ECEL1: variants seen among roughly 807,000 people sequenced by gnomAD.
The protein encoded by ECEL1 is endothelin-converting enzyme-like 1.
Under a neutral mutation model 101.8 loss-of-function variants are expected in ECEL1, and 87 were observed. The observed-to-expected ratio is 0.85, with a 90% confidence interval of 0.72 to 1.02. ECEL1 has a LOEUF of 1.02. Among genes scored for constraint, ECEL1 ranks in the 50% least tolerant of loss-of-function variants. The probability of loss-of-function intolerance (pLI) is 0.00; values close to 1 mark genes in which losing one functional copy is unlikely to be tolerated. For synonymous variants in ECEL1, 487 were observed against 468.7 expected (o/e 1.04, Z -0.50); for missense variants, 1,032 against 1,079.2 (o/e 0.96, Z 0.61).
In ECEL1 at chr2:232,479,884, C is replaced by G. The variant is rs1183335176; in HGVS notation, c.*269G>C. ...AGCAAGAACACAGCGAAGGTGGGGC[C>G]CGTACAATCCAGCCTGGCAGAGGGT... On this transcript the variant is annotated 3_prime_UTR_variant, in exon 18 of 18. Transcript: ENST00000304546. 12 of 534,408 alleles carry G rather than the reference C, an allele frequency of 2.2e-5. No individual in the cohort carries two copies. Among genetic ancestry groups the G allele is most frequent in the Non-Finnish European group, 3.4e-5 (10 of 296,830 alleles). 33.1% of individuals were successfully genotyped at this position (534,408 alleles called of 1,614,324 possible).
rs771842952 is a variant in ECEL1 at position 232,483,150 on chromosome 2, G to A, written c.1536C>T (p.Tyr512=). ...KLQYMMVMVG[Y]PDFLLKPDAV... is the part of the protein sequence containing the mutation. Reference sequence around the variant, plus strand: ...CATCGGGTTTCAGCAGGAAGTCCGGGTAGCCGACCATCACCATCATGTACT... The same window carrying A: ...CATCGGGTTTCAGCAGGAAGTCCGGATAGCCGACCATCACCATCATGTACT... The change falls in exon 9 of 18, where the codon TAC becomes TAT. Residue 512 remains tyrosine (Y), a synonymous_variant. Coordinates refer to ENST00000304546, the MANE Select transcript of ECEL1 (RefSeq NM_004826.4). 3 of 1,608,610 alleles carry A rather than the reference G, an allele frequency of 1.9e-6. No individual in the cohort carries two copies. The Admixed American group carries it at 5.1e-5, about 27-fold the overall frequency.
chr2:232,482,669 C>A, intron 10 of ECEL1, 61 bp from the exon 11 acceptor site: 1 of 1,565,434 alleles, frequency 6.4e-7, no homozygotes. Flanking sequence ...ACCCTCACAT[C>A]ACAGCTTCCT....
chr2:232,484,933 G>A lies in ECEL1; in HGVS notation c.967-40C>T, dbSNP rs758116095. 1.1e-5 allele frequency: 17 copies of A among 1,612,850 alleles called. No homozygotes were observed. The Admixed American group carries it at 2.7e-4, about 25-fold the overall frequency. ...CACAGCTGACCCAGCCCTGCTCCAT[G>A]ATGCCCTCCCTCAAGCCCAGGGCAG... is the stretch of plus-strand genomic sequence containing the variant. On this transcript the variant is annotated intron_variant, in intron 4 of 17. Coordinates refer to ENST00000304546, the MANE Select transcript of ECEL1 (RefSeq NM_004826.4).
rs141823461 is a variant in ECEL1 at position 232,484,873 on chromosome 2, G to A, written c.987C>T (p.Asp329=). The A allele has an allele frequency of 4.5e-5, 72 of 1,613,786 alleles. No homozygotes were observed. The highest frequency in any genetic ancestry group is 1.3e-4 in the Admixed American group (8 of 60,022). ...TGGAGCTGACATCTCGCCGTAGGTC[G>A]TCATGCTCTGACACAGTGATCTGTG... is the stretch of plus-strand genomic sequence containing the variant. ...QLANITVSEH[D]DLRRDVSSMY... is the part of the protein sequence containing the mutation. Residue 329 remains aspartate (D), a synonymous_variant, in exon 5 of 18, where the codon GAC becomes GAT. Transcript: ENST00000304546.
At chr2:232,481,399 G>A (rs1261959217) in intron 14 of ECEL1, 107 bp downstream of exon 14, 1 of 1,502,758 alleles carries the variant, frequency 6.7e-7, no homozygotes. Flanking sequence ...CAGGGACCTG[G>A]GCACAGGTTT....
chr2:232,483,081 T>C (rs768207898), intron 9 of ECEL1, 24 bp downstream of exon 9: 10 of 1,610,890 alleles, frequency 6.2e-6, no homozygotes, highest in Non-Finnish European at 8.5e-6. Flanking sequence ...GTGGACAGGC[T>C]GGGCAGGCAG....
chr2:232,486,728 G>A lies in ECEL1; in HGVS notation c.-75C>T. 7.3e-7 allele frequency: 1 copy of A among 1,370,460 alleles called. No individual in the cohort carries two copies. The highest frequency in any genetic ancestry group is 1.6e-5 in the South Asian group (1 of 62,038). 84.9% of individuals were successfully genotyped at this position (1,370,460 alleles called of 1,614,324 possible). ...GCGCGTGGCCGCCGGCCTCCTCGTG[G>A]GCCTCCGCATGGCCCTGGGGCCGCA... On this transcript the variant is annotated 5_prime_UTR_variant, in exon 2 of 18. Transcript: ENST00000304546.
At position 232,486,002 on chromosome 2, in the gene ECEL1, C is replaced by T. The variant is rs753309671; in HGVS notation, c.652G>A (p.Glu218Lys). The T allele has an allele frequency of 6.2e-7, 1 of 1,607,420 alleles. No individual in the cohort carries two copies. Among genetic ancestry groups the T allele is most frequent in the Non-Finnish European group, 8.5e-7 (1 of 1,178,144 alleles). ...CATCGCGCCGCGACCCCCGGACGCT[C>T]CTCCGCGCCGCCCAGGTCCCAGCCC... ...CGGWDLGGAE[E>K]RPGVAARWDL... The change falls in exon 2 of 18, where the codon GAG becomes AAG. Residue 218 changes from glutamate (E) to lysine (K), a missense_variant. Coordinates refer to ENST00000304546, the MANE Select transcript of ECEL1 (RefSeq NM_004826.4).
intron 9 of ECEL1, 24 bp from the exon 10 acceptor site, chr2:232,482,978 C>T: frequency 6.2e-7 from 1 of 1,613,878 alleles, no homozygotes; most frequent in East Asian, 2.2e-5. Flanking sequence ...GGGCGACACT[C>T]AGCGGCAGGC....
At chr2:232,480,961 CA>C in intron 15 of ECEL1, 129 bp downstream of exon 15, 1 of 1,382,438 alleles carries the variant, frequency 7.2e-7, no homozygotes, top group Non-Finnish European at 9.9e-7. Context: ...GGCCCCAGCA[CA>C]TGCCCTGCCC....
chr2:232,487,793 C>A lies in ECEL1; in HGVS notation c.-176G>T. Reference sequence around the variant, plus strand: ...GCGGGGGCCTGAGCCGCAGCGCAGCCGAGCGGGCGTCCGGTGTCTCCCAGC... The same window carrying A: ...GCGGGGGCCTGAGCCGCAGCGCAGCAGAGCGGGCGTCCGGTGTCTCCCAGC... On this transcript the variant is annotated 5_prime_UTR_variant, in exon 1 of 18. Transcript: ENST00000304546. 6.7e-6 allele frequency: 1 copy of A among 149,494 alleles called. No individual in the cohort carries two copies. The highest frequency in any genetic ancestry group is 2.0e-4 in the South Asian group (1 of 5,036). 9.3% of individuals were successfully genotyped at this position (149,494 alleles called of 1,614,324 possible). A position where few individuals can be genotyped will look rare whatever the true frequency, so the allele number is the denominator to read the frequency against.
rs1397958331 is a variant in ECEL1 at position 232,486,390 on chromosome 2, G to T, written c.264C>A (p.Val88=). 6.7e-7 allele frequency: 1 copy of T among 1,481,672 alleles called. No homozygotes were observed. The highest frequency in any genetic ancestry group is 1.3e-5 in the South Asian group (1 of 76,754). 91.8% of individuals were successfully genotyped at this position (1,481,672 alleles called of 1,614,324 possible). Residue 88 remains valine (V), a synonymous_variant, in exon 2 of 18, where the codon GTC becomes GTA. Coordinates refer to ENST00000304546, the MANE Select transcript of ECEL1 (RefSeq NM_004826.4). ...AMLALKYLGP[V]AAGGGACPEG... is the part of the protein sequence containing the mutation. ...CGGGACAGGCGCCGCCGCCGGCCGC[G>T]ACCGGGCCCAGGTACTTGAGGGCCA... is the stretch of plus-strand genomic sequence containing the variant.
In ECEL1 at chr2:232,482,623, T is replaced by G; in HGVS notation, c.1686-15A>C. 6.2e-7 allele frequency: 1 copy of G among 1,603,566 alleles called. No homozygotes were observed. The highest frequency in any genetic ancestry group is 1.3e-5 in the African/African-American group (1 of 74,866). On this transcript the variant is annotated splice_polypyrimidine_tract_variant and intron_variant, in intron 10 of 17. Transcript: ENST00000304546. ...GGAGCAGCCACCTGTGGAGGGATGC[T>G]GGGGTGAATGGGGGGAACACACTCC...
rs770722658 is a variant in ECEL1, at chr2:232,480,784, G to C, written c.2085C>G (p.Gly695=). 10 of 1,614,046 alleles carry C rather than the reference G, an allele frequency of 6.2e-6. No individual in the cohort carries two copies. The highest frequency in any genetic ancestry group is 8.5e-6 in the Non-Finnish European group (10 of 1,179,986). Residue 695 remains glycine, a synonymous_variant, in exon 16 of 18, where the codon GGC becomes GGG. Coordinates refer to ENST00000304546, the MANE Select transcript of ECEL1 (RefSeq NM_004826.4). ...TGAGCCGGGGAAGTGGGTGCTCTGGGCCGTGCTCCCGCACCCACTTCTGAT... is the reference window on the plus strand; with the variant it reads ...TGAGCCGGGGAAGTGGGTGCTCTGGCCCGTGCTCCCGCACCCACTTCTGAT... The part of the protein sequence containing the change: ...HAYQKWVREH[G]PEHPLPRLKY...
chr2:232,483,194 C>T lies in ECEL1; in HGVS notation c.1507-15G>A. 6.3e-7 allele frequency: 1 copy of T among 1,594,846 alleles called. No individual in the cohort carries two copies. Among genetic ancestry groups the T allele is most frequent in the Non-Finnish European group, 8.5e-7 (1 of 1,171,582 alleles). On this transcript the variant is annotated splice_polypyrimidine_tract_variant and intron_variant, in intron 8 of 17. Coordinates refer to ENST00000304546, the MANE Select transcript of ECEL1 (RefSeq NM_004826.4). ...ATGTACTGGAGCTGCGGGCCGAGGG[C>T]AGGTGAAGGTGGCACCAGGCCTCGG...
chr2:232,481,371 G>T, intron 14 of ECEL1, 135 bp downstream of exon 14: 1 of 1,448,880 alleles, frequency 6.9e-7, no homozygotes, highest in Non-Finnish European at 9.3e-7. Flanking sequence ...GAGTGTGCGT[G>T]GGAACCGAAT....
chr2:232,486,353 C>CA lies in ECEL1; in HGVS notation c.300dup (p.Glu101Ter), dbSNP rs1307463629. On this transcript the variant is annotated frameshift_variant, in exon 2 of 18. Transcript: ENST00000304546. LOFTEE classifies it high-confidence loss of function. ...GCGGCGCGCGCGAAGGCCTTGCGCT[C>CA]AGGGCAGCCCTCGGGACAGGCGCCG... 1.3e-6 allele frequency: 2 copies of CA among 1,531,256 alleles called. No individual in the cohort carries two copies. Among genetic ancestry groups the CA allele is most frequent in the Non-Finnish European group, 1.7e-6 (2 of 1,148,150 alleles). The allele number at this position is 1,531,256 out of a possible 1,614,324, so 94.9% of individuals were successfully genotyped here.
In ECEL1 at chr2:232,480,205, T is replaced by G. The variant is rs765265903; in HGVS notation, c.2276A>C (p.His759Pro). 6 of 1,613,684 alleles carry G rather than the reference T, an allele frequency of 3.7e-6. No homozygotes were observed. In the South Asian group the frequency reaches 5.5e-5, roughly 15 times the overall value. The change falls in exon 18 of 18, where the codon CAC becomes CCC. Residue 759 changes from histidine (H) to proline (P), a missense_variant. His to Pro is a moderately conservative substitution (Grantham distance 77). Transcript: ENST00000304546. ...SQFEEFGRAF[H>P]CPKDSPMNPA... ...GTTCATGGGTGAGTCCTTGGGACAG[T>G]GGAAAGCCCGGCCAAACTCCTCAAA...
In ECEL1 at chr2:232,483,127, T is replaced by C. The variant is rs569970209; in HGVS notation, c.1559A>G (p.Asp520Gly). The C allele has an allele frequency of 6.2e-7, 1 of 1,609,500 alleles. No individual in the cohort carries two copies. The highest frequency in any genetic ancestry group is 1.1e-5 in the South Asian group (1 of 90,548). Residue 520 changes from aspartate to glycine, a missense_variant, in exon 9 of 18, where the codon GAT (aspartate) becomes GGT (glycine). Coordinates refer to ENST00000304546, the MANE Select transcript of ECEL1 (RefSeq NM_004826.4). ...VGYPDFLLKP[D>G]AVDKEYEFEV... ...CACCTCATACTCCTTGTCCACAGCA[T>C]CGGGTTTCAGCAGGAAGTCCGGGTA...
Sources: allele counts gnomAD v4.1 joint callset, GRCh38; gene constraint gnomAD v4.1.1; transcripts MANE v1.5; gene names NCBI Gene and HGNC (gene_info 2026-07-23, HGNC 2026-07-21).